Variants in SLC9A7 observed in about 807,000 individuals in gnomAD.
SLC9A7 encodes solute carrier family 9 member A7, also known as sodium/hydrogen exchanger 7.
SLC9A7 carries 19 observed loss-of-function variants against 52.6 expected under a neutral mutation model. That is an observed-to-expected ratio of 0.36 (90% CI 0.25 to 0.53). The LOEUF is 0.53. SLC9A7 is among the 20% of genes least tolerant of loss of function. The pLI is 0.91. For synonymous variants in SLC9A7, 226 were observed against 252.1 expected (o/e 0.90, Z 0.98); for missense variants, 455 against 597.9 (o/e 0.76, Z 2.49).
chrX:46,704,002 C>A (rs1347674383), intron 1 of SLC9A7, among the ~76,000 whole-genome samples: 1 of 111,402 alleles, frequency 9.0e-6, no homozygotes, highest in Non-Finnish European at 1.9e-5. Context: ...ATATATATTT[C>A]CTATTAAAAA....
Position 46,606,728 on chromosome X carries a change from G to A in SLC9A7, c.*224C>T. 9.3e-7 allele frequency: 1 copy of A among 1,073,325 alleles called. No individual in the cohort carries two copies. Among genetic ancestry groups the A allele is most frequent in the Non-Finnish European group, 1.2e-6 (1 of 831,327 alleles). 88.5% of individuals were successfully genotyped at this position (1,073,325 alleles called of 1,213,427 possible). A position where few individuals can be genotyped will look rare whatever the true frequency, so the allele number is the denominator to read the frequency against. On this transcript the variant is annotated 3_prime_UTR_variant, in exon 17 of 17. Coordinates refer to ENST00000616978, the MANE Select transcript of SLC9A7 (RefSeq NM_001257291.2). The stretch of plus-strand genomic sequence containing the variant: ...ACTCTGAAACAGCGCACTACTATGT[G>A]AAAAAAGTGGGAATAGGTCTACGTT...
intron 3 of SLC9A7, among the ~76,000 whole-genome samples, chrX:46,673,129 C>A (rs1358871845): frequency 9.0e-6 from 1 of 111,394 alleles, no homozygotes; most frequent in Admixed American, 9.6e-5. Flanking sequence ...GCTCATGGAA[C>A]CTGAAGCGTC....
intron 3 of SLC9A7, among the ~76,000 whole-genome samples, chrX:46,676,241 T>A (rs1471678680): frequency 1.8e-5 from 2 of 111,099 alleles, no homozygotes; most frequent in African/African-American, 6.6e-5. Flanking sequence ...GACTGAGCCT[T>A]CCGTGGGATC....
At chrX:46,686,365 C>A (rs555134823) in intron 1 of SLC9A7, among the ~76,000 whole-genome samples, 1 of 111,858 alleles carries the variant, frequency 8.9e-6, no homozygotes. Context: ...TTGGGTACCT[C>A]CCCAGACATT....
chrX:46,712,031 T>C (rs1184090473), intron 1 of SLC9A7, among the ~76,000 whole-genome samples: 1 of 110,280 alleles, frequency 9.1e-6, no homozygotes, highest in Non-Finnish European at 1.9e-5. Flanking sequence ...TTCTGGGAGG[T>C]CATTGAACCT....
chrX:46,744,638 A>G (rs1029136753), intron 1 of SLC9A7, among the ~76,000 whole-genome samples: 3 of 112,191 alleles, frequency 2.7e-5, no homozygotes, highest in African/African-American at 9.7e-5. Flanking sequence ...ATACAATTTG[A>G]AAGACTACCT....
In SLC9A7 at chrX:46,602,072, C is replaced by T. The variant is rs1942668847; in HGVS notation, c.*4880G>A. The T allele has an allele frequency of 9.0e-6, 1 of 110,578 alleles. No homozygotes were observed. The highest frequency in any genetic ancestry group is 3.8e-4 in the South Asian group (1 of 2,647). The allele number at this position is 110,578 out of a possible 1,213,427, so 9.1% of individuals were successfully genotyped here. A position where few individuals can be genotyped will look rare whatever the true frequency, so the allele number is the denominator to read the frequency against. Reference sequence around the variant, plus strand: ...AAATTAAAAAAAAAAAACAAAACAGCTTCCCAGAAACCTTCATGCTTGATT... The same window carrying T: ...AAATTAAAAAAAAAAAACAAAACAGTTTCCCAGAAACCTTCATGCTTGATT... On this transcript the variant is annotated 3_prime_UTR_variant, in exon 17 of 17. Coordinates refer to ENST00000616978, the MANE Select transcript of SLC9A7 (RefSeq NM_001257291.2).
chrX:46,723,811 G>C (rs1475388837), intron 1 of SLC9A7, among the ~76,000 whole-genome samples: 1 of 112,215 alleles, frequency 8.9e-6, no homozygotes, highest in Non-Finnish European at 1.9e-5. Flanking sequence ...ATTTTGGCTG[G>C]GCACAGTGGC....
intron 3 of SLC9A7, among the ~76,000 whole-genome samples, chrX:46,675,002 T>G (rs1944087098): frequency 1.8e-5 from 2 of 109,562 alleles, no homozygotes; most frequent in African/African-American, 6.7e-5. Flanking sequence ...AGTTTTAACA[T>G]GTTATTGTAT....
chrX:46,612,097 T>C (rs1223930267), intron 16 of SLC9A7, among the ~76,000 whole-genome samples: 3 of 112,257 alleles, frequency 2.7e-5, no homozygotes, highest in Non-Finnish European at 5.6e-5. Flanking sequence ...TTACTAACTG[T>C]GGGCCCGGGG....
At chrX:46,658,848 A>G (rs1325167830) in intron 7 of SLC9A7, among the ~76,000 whole-genome samples, 2 of 110,377 alleles carry the variant, frequency 1.8e-5, no homozygotes, top group Non-Finnish European at 3.8e-5. Context: ...ATAGAAAAAG[A>G]GGGAATCCTC....
chrX:46,696,055 G>A (rs1186747324), intron 1 of SLC9A7, among the ~76,000 whole-genome samples: 1 of 109,635 alleles, frequency 9.1e-6, no homozygotes, highest in Non-Finnish European at 1.9e-5. Flanking sequence ...GCGCAATCTC[G>A]GCTCACTGAA....
At chrX:46,691,235 G>A (rs1264207556) in intron 1 of SLC9A7, among the ~76,000 whole-genome samples, 2 of 112,186 alleles carry the variant, frequency 1.8e-5, no homozygotes, top group East Asian at 5.5e-4. Context: ...CCTCCCATGA[G>A]CATGAATAAC....
intron 1 of SLC9A7, among the ~76,000 whole-genome samples, chrX:46,726,198 G>A (rs1201098343): frequency 2.7e-5 from 3 of 110,817 alleles, no homozygotes; most frequent in African/African-American, 9.8e-5. Flanking sequence ...GGGCTGCTGT[G>A]AGCCATGATC....
chrX:46,747,514 TAAC>T (rs989219210), intron 1 of SLC9A7, among the ~76,000 whole-genome samples: 1 of 111,253 alleles, frequency 9.0e-6, no homozygotes, highest in Non-Finnish European at 1.9e-5. Flanking sequence ...CAGGTAAACA[TAAC>T]AATTTGGGTT....
chrX:46,753,547 G>A lies in SLC9A7; in HGVS notation c.325+5158C>T, dbSNP rs1212425859. ...GCATAGTATTCCTTAATGGGAATGT[G>A]CTACAATTTAACCAGTCTCATCTGA... On this transcript the variant is annotated intron_variant, in intron 1 of 16. Transcript: ENST00000616978. Among the ~76,000 whole-genome samples the A allele has an allele frequency of 3.6e-5, 4 of 111,960 alleles. No homozygotes were observed. In the Admixed American group the frequency reaches 3.8e-4, roughly 11 times the overall value.
At chrX:46,657,479 A>T (rs369700989) in intron 7 of SLC9A7, among the ~76,000 whole-genome samples, 10 of 110,124 alleles carry the variant, frequency 9.1e-5, no homozygotes, top group Admixed American at 1.9e-4. Context: ...AGGAAACCCA[A>T]CTCACGTGCA....
chrX:46,751,344 T>C (rs898241850), intron 1 of SLC9A7, among the ~76,000 whole-genome samples: 33 of 110,700 alleles, frequency 3.0e-4, no homozygotes, highest in African/African-American at 9.5e-4. Context: ...TGGGGTTGGT[T>C]TGTTTTAACA....
At chrX:46,671,322 G>A (rs944971016) in intron 4 of SLC9A7, among the ~76,000 whole-genome samples, 5 of 110,363 alleles carry the variant, frequency 4.5e-5, no homozygotes, top group African/African-American at 6.6e-5. Context: ...GTGCAATGGC[G>A]CAATCTCGGC....
Sources: gnomAD v4.1 joint callset for allele counts (sites outside exome capture counted in the v4.1 genomes callset) on GRCh38, gnomAD v4.1.1 for gene constraint, MANE v1.5 for transcripts, NCBI Gene and HGNC (gene_info 2026-07-23, HGNC 2026-07-21) for gene names.